Variants in TBC1D2 observed in about 807,000 individuals in gnomAD.
TBC1D2 encodes TBC1 domain family member 2A.
A neutral mutation model predicts 91.1 loss-of-function variants in TBC1D2; 58 were observed. That is an observed-to-expected ratio of 0.64 (90% CI 0.52 to 0.79). TBC1D2 has a LOEUF of 0.79. Ranked by LOEUF, TBC1D2 falls within the 30% of genes least tolerant of loss-of-function variation. The probability of loss-of-function intolerance (pLI) is 0.00; values close to 1 mark genes in which losing one functional copy is unlikely to be tolerated. For missense variants in TBC1D2, 1,080 were observed against 1,208.3 expected (o/e 0.89, Z 1.57); for synonymous variants, 482 against 511.5 (o/e 0.94, Z 0.78).
At chr9:98,219,634 G>A (rs1286003342) in intron 6 of TBC1D2, among the ~76,000 whole-genome samples, 1 of 152,152 alleles carries the variant, frequency 6.6e-6, no homozygotes, top group Non-Finnish European at 1.5e-5. Flanking sequence ...CACCTGTTAC[G>A]GTACTGAATA....
Position 98,199,291 on chromosome 9 carries a change from ACCCAGGGCTGG to A in TBC1D2, c.*79_*89del. The A allele has an allele frequency of 7.0e-7, 1 of 1,424,736 alleles. No homozygotes were observed. The highest frequency in any genetic ancestry group is 9.8e-7 in the Non-Finnish European group (1 of 1,023,940). The allele number at this position is 1,424,736 out of a possible 1,614,324, so 88.3% of individuals were successfully genotyped here. On this transcript the variant is annotated 3_prime_UTR_variant, in exon 13 of 13. Coordinates refer to ENST00000465784, the MANE Select transcript of TBC1D2 (RefSeq NM_001267571.2). Reference sequence around the variant, plus strand: ...GTCCAAGGTCACATGGTGATGGGACACCCAGGGCTGGGCCACTGGTCCGTGCCTGACCTCCA... The same window carrying A: ...GTCCAAGGTCACATGGTGATGGGACAGCCACTGGTCCGTGCCTGACCTCCA...
At chr9:98,216,417 C>A (rs538387620) in intron 6 of TBC1D2, among the ~76,000 whole-genome samples, 1 of 152,276 alleles carries the variant, frequency 6.6e-6, no homozygotes, top group South Asian at 2.1e-4. Flanking sequence ...CCTGACCCAT[C>A]TCCCTCATAT....
intron 3 of TBC1D2, among the ~76,000 whole-genome samples, chr9:98,237,892 T>C (rs1172091722): frequency 4.8e-5 from 7 of 147,174 alleles, no homozygotes; most frequent in African/African-American, 1.7e-4. Flanking sequence ...ATTAAGTCTT[T>C]TTTTTTTCTT....
intron 9 of TBC1D2, 118 bp from the exon 10 acceptor site, chr9:98,203,526 C>T: frequency 2.1e-6 from 3 of 1,415,340 alleles, no homozygotes; most frequent in Non-Finnish European, 2.9e-6. Flanking sequence ...AGCATCAGTG[C>T]AATCCCACTC....
chr9:98,208,920 C>G lies in TBC1D2; in HGVS notation c.1898G>C (p.Arg633Pro). 1 of 1,614,084 alleles carries G rather than the reference C, an allele frequency of 6.2e-7. No homozygotes were observed. The highest frequency in any genetic ancestry group is 8.5e-7 in the Non-Finnish European group (1 of 1,180,002). ...GAGGTGGACCAGCCACCTCCAGACA[C>G]GAGGCCGGTGTTCACGGGGTACTCC... ...RAGVPREHRP[R>P]VWRWLVHLRV... The change falls in exon 9 of 13, where the codon CGT (arginine) becomes CCT (proline). Residue 633 changes from arginine (R) to proline (P), a missense_variant. By Grantham distance (103) the Arg-to-Pro change is moderately radical. Transcript: ENST00000465784.
chr9:98,237,633 A>G (rs1829539650), intron 3 of TBC1D2, among the ~76,000 whole-genome samples: 2 of 151,116 alleles, frequency 1.3e-5, no homozygotes, highest in African/African-American at 4.9e-5. Context: ...CAGCCTCCTG[A>G]GTAGCTGGGA....
chr9:98,255,423 G>C lies in TBC1D2; in HGVS notation c.119C>G (p.Ser40Cys), dbSNP rs749136585. 1.9e-6 allele frequency: 3 copies of C among 1,611,378 alleles called. No individual in the cohort carries two copies. The highest frequency in any genetic ancestry group is 4.5e-5 in the East Asian group (2 of 44,856). The change falls in exon 1 of 13, where the codon TCC becomes TGC. Residue 40 changes from serine to cysteine, a missense_variant. By Grantham distance (112) the Ser-to-Cys change is moderately radical. Coordinates refer to ENST00000465784, the MANE Select transcript of TBC1D2 (RefSeq NM_001267571.2). ...PEEESGDCAR[S>C]LEAVPKKLCG... ...GAGTTTCTTGGGGACCGCCTCCAGGGACCGGGCGCAGTCCCCCGATTCTTC... is the reference window on the plus strand; with the variant it reads ...GAGTTTCTTGGGGACCGCCTCCAGGCACCGGGCGCAGTCCCCCGATTCTTC...
At chr9:98,234,069 GCT>G (rs1321886442) in intron 3 of TBC1D2, among the ~76,000 whole-genome samples, 1 of 152,142 alleles carries the variant, frequency 6.6e-6, no homozygotes, top group Non-Finnish European at 1.5e-5. Flanking sequence ...TTCCCTGCTT[GCT>G]CTCTTTCCCT....
chr9:98,227,583 C>T (rs1829261741), intron 5 of TBC1D2, among the ~76,000 whole-genome samples: 1 of 150,896 alleles, frequency 6.6e-6, no homozygotes, highest in Non-Finnish European at 1.5e-5. Flanking sequence ...ATGGTGAAAC[C>T]TAGTCTCTAA....
intron 3 of TBC1D2, among the ~76,000 whole-genome samples, chr9:98,242,455 A>AG (rs1336432297): frequency 6.6e-6 from 1 of 151,818 alleles, no homozygotes; most frequent in East Asian, 1.9e-4. Flanking sequence ...AAAAAAAAAA[A>AG]AAGAAAAGAA....
At chr9:98,226,490 G>A (rs1011332462) in intron 5 of TBC1D2, among the ~76,000 whole-genome samples, 2 of 152,208 alleles carry the variant, frequency 1.3e-5, no homozygotes, top group African/African-American at 4.8e-5. Context: ...AAACACGGCT[G>A]CAACTCCATT....
chr9:98,252,546 T>A (rs770217343), intron 1 of TBC1D2, among the ~76,000 whole-genome samples: 13 of 152,202 alleles, frequency 8.5e-5, no homozygotes, highest in Admixed American at 6.5e-5. Context: ...GGCTGGCGGT[T>A]GGTCCAAACA....
chr9:98,249,936 G>A (rs1233007030), intron 2 of TBC1D2, among the ~76,000 whole-genome samples: 1 of 152,114 alleles, frequency 6.6e-6, no homozygotes, highest in African/African-American at 2.4e-5. Context: ...TGCCAGGCAG[G>A]ACACCAGGGA....
At chr9:98,202,321 A>G (rs752670882) in intron 10 of TBC1D2, among the ~76,000 whole-genome samples, 6 of 152,278 alleles carry the variant, frequency 3.9e-5, no homozygotes, top group Admixed American at 1.3e-4. Context: ...TGGCTCCAAG[A>G]CATGGTTCTT....
At chr9:98,245,227 G>C (rs748971849) in intron 2 of TBC1D2, among the ~76,000 whole-genome samples, 4 of 149,812 alleles carry the variant, frequency 2.7e-5, no homozygotes, top group Non-Finnish European at 5.9e-5. Context: ...GCGACAGAGT[G>C]AGACTCCATC....
chr9:98,252,209 G>A (rs1306002962), intron 1 of TBC1D2, among the ~76,000 whole-genome samples: 3 of 152,132 alleles, frequency 2.0e-5, no homozygotes, highest in Non-Finnish European at 4.4e-5. Flanking sequence ...ATGAGACAAG[G>A]GTATCACACA....
chr9:98,209,758 T>C (rs7870180), intron 8 of TBC1D2, among the ~76,000 whole-genome samples: 10,752 of 73,178 alleles, frequency 0.15, 481 homozygotes, highest in East Asian at 0.35. Context: ...TTCCTTCCTT[T>C]CCTTCCTTCC....
chr9:98,246,773 T>C (rs1235053064), intron 2 of TBC1D2, among the ~76,000 whole-genome samples: 1 of 151,962 alleles, frequency 6.6e-6, no homozygotes, highest in Admixed American at 6.6e-5. Flanking sequence ...GATCTTCCTA[T>C]GCCAAGCATA....
At chr9:98,242,925 C>T (rs1348223845) in intron 3 of TBC1D2, among the ~76,000 whole-genome samples, 1 of 148,270 alleles carries the variant, frequency 6.7e-6, no homozygotes, top group African/African-American at 2.5e-5. Flanking sequence ...ATTACAGGCA[C>T]ATGCCACTAT....
Sources: allele counts gnomAD v4.1 joint callset (sites outside exome capture counted in the v4.1 genomes callset), GRCh38; gene constraint gnomAD v4.1.1; transcripts MANE v1.5; gene names NCBI Gene and HGNC (gene_info 2026-07-23, HGNC 2026-07-21).